The following FNBP1 variants were observed in gnomAD, a reference collection of about 807,000 sequenced individuals.
FNBP1 encodes formin-binding protein 1.
FNBP1 carries 26 observed loss-of-function variants against 90.6 expected under a neutral mutation model. The observed-to-expected ratio is 0.29, with a 90% CI of 0.21 to 0.40. The LOEUF (loss-of-function observed/expected upper bound fraction) is 0.40, where lower values mean the gene tolerates loss of function less well. Among genes scored for constraint, FNBP1 ranks in the 10% least tolerant of loss-of-function variants. FNBP1 has a pLI of 1.00. For missense variants in FNBP1, 635 were observed against 768.0 expected, an observed-to-expected ratio of 0.83 and a Z score of 2.05; for synonymous variants, 260 against 265.2, an observed-to-expected ratio of 0.98 and a Z score of 0.19.
At chr9:129,928,869 C>T (rs4837431) in intron 7 of FNBP1, among the ~76,000 whole-genome samples, 151,678 of 152,204 alleles carry the variant, frequency 1, 75,577 homozygotes, top group Middle Eastern at 1. Context: ...GGCTGGAGAA[C>T]TGTTTGAGTC....
intron 1 of FNBP1, among the ~76,000 whole-genome samples, chr9:130,004,692 A>G (rs1274729097): frequency 6.6e-6 from 1 of 152,208 alleles, no homozygotes; most frequent in Non-Finnish European, 1.5e-5. Context: ...GTAAGAAAAT[A>G]TCCATTTAAA....
chr9:129,903,289 T>C (rs926605204), intron 12 of FNBP1, among the ~76,000 whole-genome samples: 1 of 151,930 alleles, frequency 6.6e-6, no homozygotes, highest in South Asian at 2.1e-4. Flanking sequence ...TGACCTTAGG[T>C]GATCTGCCTG....
At chr9:129,942,365 C>T (rs1386961711) in intron 6 of FNBP1, among the ~76,000 whole-genome samples, 2 of 152,118 alleles carry the variant, frequency 1.3e-5, no homozygotes, top group South Asian at 2.1e-4. Flanking sequence ...GAATAATGGC[C>T]GCCCCCTTTA....
chr9:129,903,553 A>T (rs1399882933), intron 12 of FNBP1, among the ~76,000 whole-genome samples: 3 of 152,176 alleles, frequency 2.0e-5, no homozygotes, highest in Non-Finnish European at 4.4e-5. Flanking sequence ...TTATCTCCTT[A>T]TTGTCCCCAA....
intron 6 of FNBP1, among the ~76,000 whole-genome samples, chr9:129,941,163 C>A (rs561795697): frequency 7.3e-5 from 11 of 151,070 alleles, no homozygotes; most frequent in Admixed American, 2.6e-4. Flanking sequence ...CTGAGGCGGG[C>A]AGATCACCTG....
rs118152879 is a variant in FNBP1, at chr9:130,041,407, A to C, written c.24+1545T>G. ...CCACCTGTCTGAACAAGTGAAAAAA[A>C]AATTGTGCCACAATTTCTACTGTCT... On this transcript the variant is annotated intron_variant, in intron 1 of 16. Coordinates refer to ENST00000446176, the MANE Select transcript of FNBP1 (RefSeq NM_015033.3). The surrounding 1 kb of genome is among the most constrained non-coding windows in gnomAD (Gnocchi z 4.3). Among the ~76,000 whole-genome samples, 1 of 152,308 alleles carries C rather than the reference A, an allele frequency of 6.6e-6. No individual in the cohort carries two copies. The highest frequency in any genetic ancestry group is 1.9e-4 in the East Asian group (1 of 5,186).
Position 129,908,926 on chromosome 9 carries a change from T to G in FNBP1, c.1259A>C (p.Glu420Ala). 1 of 1,613,492 alleles carries G rather than the reference T, an allele frequency of 6.2e-7. No homozygotes were observed. Among genetic ancestry groups the G allele is most frequent in the Non-Finnish European group, 8.5e-7 (1 of 1,179,648 alleles). The change falls in exon 12 of 17, where the codon GAG becomes GCG. Residue 420 changes from glutamate to alanine, a missense_variant. By Grantham distance (107) the Glu-to-Ala change is moderately radical. Transcript: ENST00000446176. Reference protein sequence around the residue: ...RRKKLQQKVDELNKEIQKEMD... With the variant: ...RRKKLQQKVDALNKEIQKEMD... Reference sequence around the variant, plus strand: ...CTCCTTCTGAATTTCTTTATTTAACTCATCGACTTTCTGCTGCAGCTTTTT... The same window carrying G: ...CTCCTTCTGAATTTCTTTATTTAACGCATCGACTTTCTGCTGCAGCTTTTT...
intron 4 of FNBP1, among the ~76,000 whole-genome samples, chr9:129,967,567 C>T (rs1356310002): frequency 6.6e-6 from 1 of 152,064 alleles, no homozygotes; most frequent in Non-Finnish European, 1.5e-5. Flanking sequence ...TGCACTACAC[C>T]ACTCTGGAGC....
chr9:129,906,448 C>T (rs891302641), intron 12 of FNBP1, among the ~76,000 whole-genome samples: 26 of 152,126 alleles, frequency 1.7e-4, no homozygotes, highest in African/African-American at 4.8e-4. Context: ...ATCATGGGGG[C>T]GGTTTTTCCC....
At chr9:129,992,546 GCT>G (rs2053338648) in intron 2 of FNBP1, among the ~76,000 whole-genome samples, 3 of 117,440 alleles carry the variant, frequency 2.6e-5, no homozygotes, top group Non-Finnish European at 5.1e-5. Flanking sequence ...AGAACACATA[GCT>G]CTTTTTTTTT....
Position 129,902,956 on chromosome 9 carries a change from C to CT in FNBP1, c.1340dup (p.Met448AspfsTer29). 1 of 1,605,842 alleles carries CT rather than the reference C, an allele frequency of 6.2e-7. No individual in the cohort carries two copies. Among genetic ancestry groups the CT allele is most frequent in the Non-Finnish European group, 8.5e-7 (1 of 1,175,764 alleles). ...GATCCAAACTGGCTGGGTCTCCCAT[C>CT]TGAGGATTCTTTAGGTAGACATCTT... On this transcript the variant is annotated frameshift_variant, in exon 13 of 17. Transcript: ENST00000446176. LOFTEE classifies it high-confidence loss of function.
chr9:129,956,261 G>A (rs535549725), intron 6 of FNBP1, among the ~76,000 whole-genome samples: 1 of 152,240 alleles, frequency 6.6e-6, no homozygotes, highest in Admixed American at 6.6e-5. Flanking sequence ...GGCAGAATTT[G>A]GCAAATAATA....
intron 6 of FNBP1, among the ~76,000 whole-genome samples, chr9:129,943,063 T>C (rs1260394776): frequency 1.3e-5 from 2 of 152,194 alleles, no homozygotes; most frequent in Non-Finnish European, 2.9e-5. Flanking sequence ...CAGAGTCCCC[T>C]GTCCTGGCAG....
intron 6 of FNBP1, among the ~76,000 whole-genome samples, chr9:129,931,498 C>T (rs995866793): frequency 2.0e-5 from 3 of 151,392 alleles, no homozygotes; most frequent in East Asian, 1.9e-4. Flanking sequence ...CCCAGCTACT[C>T]GGGAGGCTGA....
Position 130,031,268 on chromosome 9 carries a change from C to T in FNBP1, c.24+11684G>A, listed in dbSNP as rs2058778310. On this transcript the variant is annotated intron_variant, in intron 1 of 16. Transcript: ENST00000446176. This position sits in a 1 kb window ranked among gnomAD's most constrained non-coding sequence, Gnocchi z 4.2. ...CGTGGCCTGAAGCTACCGAGCTCCTCTCCATCCTTCTCCACACTGAAAACT... is the reference window on the plus strand; with the variant it reads ...CGTGGCCTGAAGCTACCGAGCTCCTTTCCATCCTTCTCCACACTGAAAACT... Among the ~76,000 whole-genome samples, 1 of 152,274 alleles carries T rather than the reference C, an allele frequency of 6.6e-6. No individual in the cohort carries two copies. The highest frequency in any genetic ancestry group is 2.4e-5 in the African/African-American group (1 of 41,478).
chr9:129,929,909 C>T (rs2042474095), intron 6 of FNBP1, among the ~76,000 whole-genome samples: 1 of 152,160 alleles, frequency 6.6e-6, no homozygotes, highest in Non-Finnish European at 1.5e-5. Context: ...TTCCCTACTG[C>T]CTTAACGTGG....
At chr9:130,001,463 G>A (rs115208378) in intron 1 of FNBP1, among the ~76,000 whole-genome samples, 3 of 152,202 alleles carry the variant, frequency 2.0e-5, no homozygotes, top group Non-Finnish European at 2.9e-5. Context: ...ATGTCAACAC[G>A]GTTAAAAAGA....
the FNBP1 span, chr9:130,053,839 C>A: frequency 8.1e-7 from 1 of 1,241,838 alleles, no homozygotes; most frequent in East Asian, 2.5e-5. Context: ...CGGAGCTAGC[C>A]GCCGAGCCCC....
chr9:130,005,986 G>A (rs1028606083), intron 1 of FNBP1, among the ~76,000 whole-genome samples: 2 of 151,552 alleles, frequency 1.3e-5, no homozygotes, highest in Admixed American at 1.3e-4. Flanking sequence ...CCTATAGCAG[G>A]AGCCTGTGAG....
Sources: gnomAD v4.1 joint callset for allele counts (sites outside exome capture counted in the v4.1 genomes callset) on GRCh38, gnomAD v4.1.1 for gene constraint, Gnocchi (gnomAD v3.1) non-coding constraint, MANE v1.5 for transcripts, NCBI Gene and HGNC (gene_info 2026-07-23, HGNC 2026-07-21) for gene names.